Variants in SCAI observed in about 807,000 individuals in gnomAD.
SCAI encodes the protein suppressor of cancer cell invasion.
In SCAI, 24 loss-of-function variants were observed where a neutral mutation model predicts 92.2. The ratio of observed to expected loss-of-function variants is 0.26; its 90% CI spans 0.19 to 0.37. SCAI has a LOEUF of 0.37. SCAI is among the 10% of genes least tolerant of loss of function. The pLI is 1.00. For synonymous variants in SCAI, 261 were observed against 258.6 expected (o/e 1.01, Z -0.09); for missense variants, 450 against 736.2 (o/e 0.61, Z 4.50).
At chr9:124,962,170 TGC>T (rs1430232385) in intron 17 of SCAI, among the ~76,000 whole-genome samples, 2 of 84,120 alleles carry the variant, frequency 2.4e-5, no homozygotes, top group Admixed American at 1.5e-4. Flanking sequence ...TTTTTTTTTT[TGC>T]GGGGGGGGAT....
chr9:125,133,321 G>A lies in SCAI; in HGVS notation c.98+9312C>T, dbSNP rs534163882. ...GGAGAATCACTTGAACCTGGGAGGC[G>A]GAGGGTGCAGTGAAATGAGATCACA... is the stretch of plus-strand genomic sequence containing the variant. On this transcript the variant is annotated intron_variant, in intron 2 of 17. Coordinates refer to ENST00000336505, the MANE Select transcript of SCAI (RefSeq NM_001144877.3). Among the ~76,000 whole-genome samples the A allele has an allele frequency of 3.3e-5, 5 of 151,536 alleles. No homozygotes were observed. In the South Asian group the frequency reaches 6.3e-4, roughly 19 times the overall value.
chr9:125,107,364 G>A (rs1186145868), intron 2 of SCAI, among the ~76,000 whole-genome samples: 4 of 149,126 alleles, frequency 2.7e-5, no homozygotes, highest in South Asian at 2.1e-4. Context: ...AGCCGAGATC[G>A]CCCCGCTGCA....
chr9:125,133,150 G>A (rs1454166520), intron 2 of SCAI, among the ~76,000 whole-genome samples: 1 of 152,170 alleles, frequency 6.6e-6, no homozygotes, highest in Admixed American at 6.5e-5. Context: ...AGCACTTTGG[G>A]AGGCCGCTGT....
chr9:125,046,193 T>A (rs1431132682), intron 3 of SCAI, among the ~76,000 whole-genome samples: 3 of 13,594 alleles, frequency 2.2e-4, no homozygotes, highest in African/African-American at 9.1e-4. Context: ...AAAGAAATTG[T>A]GAGATATATA....
At chr9:125,065,113 C>A (rs2131152092) in intron 2 of SCAI, among the ~76,000 whole-genome samples, 1 of 151,874 alleles carries the variant, frequency 6.6e-6, no homozygotes, top group South Asian at 2.1e-4. Flanking sequence ...AATAAATTTA[C>A]ATAGATGAAA....
At chr9:125,042,514 C>T (rs904791920) in intron 3 of SCAI, among the ~76,000 whole-genome samples, 1 of 151,906 alleles carries the variant, frequency 6.6e-6, no homozygotes, top group Admixed American at 6.6e-5. Context: ...CTGTTCACCA[C>T]TTTCTCACCA....
intron 2 of SCAI, among the ~76,000 whole-genome samples, chr9:125,121,556 G>A (rs774751564): frequency 4.6e-5 from 7 of 151,764 alleles, no homozygotes; most frequent in Admixed American, 2.0e-4. Flanking sequence ...CTTTTTTTAA[G>A]AGTAAAAATC....
At chr9:125,093,854 G>A (rs984944754) in intron 2 of SCAI, among the ~76,000 whole-genome samples, 9 of 151,944 alleles carry the variant, frequency 5.9e-5, no homozygotes, top group Non-Finnish European at 1.3e-4. Context: ...GTGAGCCACC[G>A]TGCCCGGCCG....
intron 17 of SCAI, chr9:124,968,945 A>G (rs1278207317): frequency 2.0e-5 from 3 of 151,732 alleles, no homozygotes; most frequent in African/African-American, 5.4e-5. Context: ...TATTTTTTGG[A>G]AAAAAAAAAA....
intron 3 of SCAI, among the ~76,000 whole-genome samples, chr9:125,038,630 T>C (rs776712071): frequency 2.6e-5 from 4 of 152,260 alleles, no homozygotes; most frequent in Non-Finnish European, 5.9e-5. Flanking sequence ...ATCAAAAATA[T>C]TGGTAATTAT....
intron 2 of SCAI, among the ~76,000 whole-genome samples, chr9:125,120,915 T>C (rs527733641): frequency 6.6e-6 from 1 of 151,654 alleles, no homozygotes; most frequent in East Asian, 1.9e-4. Context: ...AGAGAGGACA[T>C]TTAGGGACTT....
At chr9:124,979,705 T>C (rs1454788763) in intron 14 of SCAI, among the ~76,000 whole-genome samples, 1 of 152,172 alleles carries the variant, frequency 6.6e-6, no homozygotes, top group Non-Finnish European at 1.5e-5. Flanking sequence ...ATATGACTTC[T>C]TGAAATTTTT....
At position 125,003,168 on chromosome 9, in the gene SCAI, C is replaced by G. The variant is rs1832401147; in HGVS notation, c.1011G>C (p.Leu337=). 1.2e-6 allele frequency: 2 copies of G among 1,613,924 alleles called. No homozygotes were observed. The highest frequency in any genetic ancestry group is 1.7e-5 in the Admixed American group (1 of 59,998). ...GCTGGCTGAAGGTTGGTTTGTAGAG[C>G]AGATACTTGTGGGGGTTTTCTCGTC... The part of the protein sequence containing the change: ...PTRRENPHKY[L]LYKPTFSQLY... The change falls in exon 11 of 18, where the codon CTG becomes CTC. Residue 337 remains leucine (L), a synonymous_variant. Coordinates refer to ENST00000336505, the MANE Select transcript of SCAI (RefSeq NM_001144877.3).
At chr9:125,055,199 TATGTAA>T (rs1833637332) in intron 3 of SCAI, among the ~76,000 whole-genome samples, 1 of 152,204 alleles carries the variant, frequency 6.6e-6, no homozygotes, top group South Asian at 2.1e-4. Context: ...CACTCCTTCC[TATGTAA>T]ATTTTCAAAA....
chr9:125,019,004 A>G (rs1832817908), intron 8 of SCAI, 53 bp from the exon 9 acceptor site: 1 of 1,578,572 alleles, frequency 6.3e-7, no homozygotes, highest in African/African-American at 1.4e-5. Flanking sequence ...AAATATCAAT[A>G]GAGTAAGCTA....
chr9:125,097,885 G>C (rs966174069), intron 2 of SCAI, among the ~76,000 whole-genome samples: 1 of 151,366 alleles, frequency 6.6e-6, no homozygotes, highest in African/African-American at 2.4e-5. Flanking sequence ...ATTTAAGAAT[G>C]TATATTCTTA....
At chr9:125,075,644 A>G (rs868146097) in intron 2 of SCAI, among the ~76,000 whole-genome samples, 34 of 150,280 alleles carry the variant, frequency 2.3e-4, no homozygotes, top group South Asian at 8.5e-4. Flanking sequence ...TCCGCTCACA[A>G]CAACCTCCGC....
rs373524163 is a variant in SCAI, at chr9:125,020,517, A to AT, written c.609+155dup. Among the ~76,000 whole-genome samples, 351 of 152,268 alleles carry AT rather than the reference A, an allele frequency of 2.3e-3. 2 individuals carry two copies. The highest frequency in any genetic ancestry group is 8.0e-3 in the African/African-American group (332 of 41,574). On this transcript the variant is annotated intron_variant, in intron 7 of 17. Coordinates refer to ENST00000336505, the MANE Select transcript of SCAI (RefSeq NM_001144877.3). ...TTTGTAACATGAAAAGAGTTGGAAA[A>AT]TTTTTTTATCATTACCCTTGTCAGA...
intron 9 of SCAI, among the ~76,000 whole-genome samples, chr9:125,010,724 GCCT>G (rs1443850457): frequency 1.3e-5 from 2 of 152,206 alleles, no homozygotes; most frequent in Non-Finnish European, 2.9e-5. Context: ...CGGGCAGACT[GCCT>G]CCTCAAGTGG....
Sources: gnomAD v4.1 joint callset for allele counts (sites outside exome capture counted in the v4.1 genomes callset) on GRCh38, gnomAD v4.1.1 for gene constraint, MANE v1.5 for transcripts, NCBI Gene and HGNC (gene_info 2026-07-23, HGNC 2026-07-21) for gene names.